PIAS1: variants seen among roughly 807,000 people sequenced by gnomAD.
PIAS1 encodes the protein E3 SUMO-protein ligase PIAS1.
In PIAS1, 6 loss-of-function variants were observed where a neutral mutation model predicts 71.3. That is an observed-to-expected ratio of 0.08 (90% CI 0.05 to 0.17). The LOEUF is 0.17. Among genes scored for constraint, PIAS1 ranks in the 10% least tolerant of loss-of-function variants. PIAS1 has a pLI of 1.00. For synonymous variants in PIAS1, 303 were observed against 292.9 expected (o/e 1.03, Z -0.35); for missense variants, 555 against 793.6 (o/e 0.70, Z 3.61).
At chr15:68,072,702 T>C (rs1597131283) in intron 1 of PIAS1, among the ~76,000 whole-genome samples, 2 of 152,210 alleles carry the variant, frequency 1.3e-5, no homozygotes, top group Non-Finnish European at 2.9e-5. Context: ...TATTTCAGAC[T>C]CTTGTAGTGT....
chr15:68,120,483 A>G (rs2092604203), intron 2 of PIAS1, among the ~76,000 whole-genome samples: 1 of 151,920 alleles, frequency 6.6e-6, no homozygotes, highest in Admixed American at 6.6e-5. Flanking sequence ...CTTATTAACT[A>G]TAACTCTTTG....
intron 2 of PIAS1, among the ~76,000 whole-genome samples, chr15:68,110,266 C>T (rs2092511237): frequency 6.6e-6 from 1 of 152,036 alleles, no homozygotes; most frequent in African/African-American, 2.4e-5. Context: ...TTACAGGCCC[C>T]CAAATATTTT....
chr15:68,076,656 G>C (rs1327416138), intron 1 of PIAS1, among the ~76,000 whole-genome samples: 1 of 152,138 alleles, frequency 6.6e-6, no homozygotes, highest in Non-Finnish European at 1.5e-5. Flanking sequence ...CTAGAGAGTT[G>C]ACACTGTCAT....
intron 2 of PIAS1, among the ~76,000 whole-genome samples, chr15:68,110,622 C>T (rs2092515605): frequency 6.6e-6 from 1 of 151,764 alleles, no homozygotes; most frequent in South Asian, 2.1e-4. Flanking sequence ...ATTAGCTGGG[C>T]ATGGTGGTGC....
intron 2 of PIAS1, among the ~76,000 whole-genome samples, chr15:68,098,006 A>G (rs1251780423): frequency 1.3e-5 from 2 of 152,038 alleles, no homozygotes; most frequent in African/African-American, 4.8e-5. Context: ...TTTTTTCCCA[A>G]AACTTCCTTT....
intron 2 of PIAS1, among the ~76,000 whole-genome samples, chr15:68,128,954 A>G (rs1379399674): frequency 1.3e-5 from 2 of 152,222 alleles, no homozygotes; most frequent in South Asian, 2.1e-4. Context: ...ACTAAAAGAC[A>G]TGGATAAACA....
chr15:68,094,903 A>C (rs1298589775), intron 2 of PIAS1, among the ~76,000 whole-genome samples: 2 of 152,152 alleles, frequency 1.3e-5, no homozygotes, highest in African/African-American at 4.8e-5. Flanking sequence ...TTTATAGATA[A>C]TATTCTGTCT....
chr15:68,181,552 T>C lies in PIAS1; in HGVS notation c.1624+198T>C, dbSNP rs74020064. The C allele has an allele frequency of 0.01, 5,265 of 512,738 alleles. 222 individuals are homozygous for C. Among genetic ancestry groups the C allele is most frequent in the African/African-American group, 0.089 (4,663 of 52,320 alleles). The allele number at this position is 512,738 out of a possible 1,614,324, so 31.8% of individuals were successfully genotyped here. A position where few individuals can be genotyped will look rare whatever the true frequency, so the allele number is the denominator to read the frequency against. On this transcript the variant is annotated intron_variant, in intron 12 of 13. Coordinates refer to ENST00000249636, the MANE Select transcript of PIAS1 (RefSeq NM_016166.3). ...TGATTGTACTGTCATCAGTAGCCAG[T>C]GTTTTACTCCCAGTGGTAAAACTAG...
intron 2 of PIAS1, among the ~76,000 whole-genome samples, chr15:68,127,115 G>T (rs1339065655): frequency 2.0e-5 from 3 of 151,666 alleles, no homozygotes; most frequent in Admixed American, 1.3e-4. Context: ...TAGTAGGGAT[G>T]GGGTTTCACT....
At chr15:68,078,800 C>T (rs780329524) in intron 1 of PIAS1, among the ~76,000 whole-genome samples, 19 of 152,134 alleles carry the variant, frequency 1.2e-4, no homozygotes, top group Non-Finnish European at 2.4e-4. Context: ...TAGTATGTTA[C>T]TGGTACATTA....
At chr15:68,182,321 T>G (rs1313098408) in intron 12 of PIAS1, among the ~76,000 whole-genome samples, 3 of 152,014 alleles carry the variant, frequency 2.0e-5, no homozygotes, top group African/African-American at 7.3e-5. Flanking sequence ...CTTTTTTTTA[T>G]TAAAAAAGCC....
chr15:68,081,140 A>G (rs77560953), intron 1 of PIAS1, among the ~76,000 whole-genome samples: 2,102 of 152,318 alleles, frequency 0.014, 50 homozygotes, highest in African/African-American at 0.048. Context: ...GTTTGCGTAC[A>G]TATATATCTG....
chr15:68,075,200 C>T (rs1349485271), intron 1 of PIAS1, among the ~76,000 whole-genome samples: 3 of 150,172 alleles, frequency 2.0e-5, no homozygotes, highest in African/African-American at 7.4e-5. Flanking sequence ...ATTCTCCTGC[C>T]TCAGCCTCCT....
intron 2 of PIAS1, among the ~76,000 whole-genome samples, chr15:68,095,069 A>C (rs116948864): frequency 4.4e-4 from 67 of 152,308 alleles, no homozygotes; most frequent in Non-Finnish European, 7.8e-4. Context: ...AAGGAATCTT[A>C]ACCATTAGAA....
At chr15:68,097,431 AATTT>A (rs1015805764) in intron 2 of PIAS1, among the ~76,000 whole-genome samples, 10 of 151,868 alleles carry the variant, frequency 6.6e-5, no homozygotes, top group South Asian at 2.1e-4. Context: ...TTAATTAATT[AATTT>A]ATTTATTTAT....
At position 68,174,373 on chromosome 15, in the gene PIAS1, A is replaced by T. The variant is rs1291483698; in HGVS notation, c.1169+481A>T. On this transcript the variant is annotated intron_variant, in intron 9 of 13. Coordinates refer to ENST00000249636, the MANE Select transcript of PIAS1 (RefSeq NM_016166.3). The surrounding 1 kb of genome is among the most constrained non-coding windows in gnomAD (Gnocchi z 4.0). ...TTTTGTCTTGCCCACCTATAGCATCACAAAACCAATTATTGCTTTTAACAC... is the reference window on the plus strand; with the variant it reads ...TTTTGTCTTGCCCACCTATAGCATCTCAAAACCAATTATTGCTTTTAACAC... 2.6e-5 allele frequency among the ~76,000 whole-genome samples: 4 copies of T among 152,192 alleles called. No homozygotes were observed. The highest frequency in any genetic ancestry group is 5.9e-5 in the Non-Finnish European group (4 of 68,036).
intron 2 of PIAS1, among the ~76,000 whole-genome samples, chr15:68,103,423 CT>C (rs1198757709): frequency 6.8e-6 from 1 of 147,576 alleles, no homozygotes; most frequent in African/African-American, 2.5e-5. Context: ...TTTTTGGGTT[CT>C]TTTTGATTTT....
intron 5 of PIAS1, among the ~76,000 whole-genome samples, 183 bp from the exon 6 acceptor site, chr15:68,146,383 G>GA (rs1206425192): frequency 6.6e-6 from 1 of 152,120 alleles, no homozygotes; most frequent in Non-Finnish European, 1.5e-5. Context: ...TTACTATAAG[G>GA]AGAGTATAAG....
At chr15:68,169,788 T>C (rs965953738) in intron 8 of PIAS1, among the ~76,000 whole-genome samples, 9 of 152,210 alleles carry the variant, frequency 5.9e-5, no homozygotes, top group African/African-American at 1.9e-4. Context: ...ACTACTGTTA[T>C]TTATTGAAAA....
Sources: gnomAD v4.1 joint callset for allele counts (sites outside exome capture counted in the v4.1 genomes callset) on GRCh38, gnomAD v4.1.1 for gene constraint, Gnocchi (gnomAD v3.1) non-coding constraint, MANE v1.5 for transcripts, NCBI Gene and HGNC (gene_info 2026-07-23, HGNC 2026-07-21) for gene names.